The following PARD3B variants were observed in gnomAD, a reference collection of about 807,000 sequenced individuals.
PARD3B encodes the protein partitioning defective 3 homolog B.
In PARD3B, 103 loss-of-function variants were observed where a neutral mutation model predicts 130.2. The ratio of observed to expected loss-of-function variants is 0.79; its 90% CI spans 0.67 to 0.93. The LOEUF (loss-of-function observed/expected upper bound fraction) is 0.93. Ranked by LOEUF, PARD3B falls within the 40% of genes least tolerant of loss-of-function variation. PARD3B has a pLI of 0.00. For missense variants in PARD3B, 1,609 were observed against 1,499.2 expected, an observed-to-expected ratio of 1.07 and a Z score of -1.21; for synonymous variants, 583 against 553.2, an observed-to-expected ratio of 1.05 and a Z score of -0.76.
chr2:205,298,866 G>C (rs1461329140), intron 16 of PARD3B, among the ~76,000 whole-genome samples: 6 of 152,168 alleles, frequency 3.9e-5, no homozygotes, highest in African/African-American at 1.2e-4. Flanking sequence ...CAGCAGAAAA[G>C]CTGGAACTAG....
chr2:205,469,237 C>A (rs2048741410), intron 20 of PARD3B, among the ~76,000 whole-genome samples: 1 of 152,182 alleles, frequency 6.6e-6, no homozygotes, highest in Non-Finnish European at 1.5e-5. Flanking sequence ...CTACCCTTAG[C>A]TACATGACTT....
intron 19 of PARD3B, among the ~76,000 whole-genome samples, chr2:205,413,746 C>G (rs1447205877): frequency 1.3e-5 from 2 of 152,090 alleles, no homozygotes; most frequent in African/African-American, 2.4e-5. Flanking sequence ...TCCTGAGAGA[C>G]ACAGCCTTAA....
In PARD3B at chr2:204,943,265, A is replaced by T. The variant is rs1689057946; in HGVS notation, c.223-21887A>T. Among the ~76,000 whole-genome samples, 1 of 151,804 alleles carries T rather than the reference A, an allele frequency of 6.6e-6. No individual in the cohort carries two copies. Among genetic ancestry groups the T allele is most frequent in the African/African-American group, 2.4e-5 (1 of 41,366 alleles). On this transcript the variant is annotated intron_variant, in intron 2 of 22. Coordinates refer to ENST00000406610, the MANE Select transcript of PARD3B (RefSeq NM_001302769.2). This position sits in a 1 kb window ranked among gnomAD's most constrained non-coding sequence, Gnocchi z 4.2. ...CTCTCTGCTTTTCTCAAACCTAATT[A>T]TTTTCTCTCCTAAAAGGACGGTGAC...
intron 1 of PARD3B, among the ~76,000 whole-genome samples, chr2:204,656,167 A>G (rs1381590418): frequency 6.6e-6 from 1 of 152,146 alleles, no homozygotes; most frequent in Non-Finnish European, 1.5e-5. Flanking sequence ...GAGGGAATGG[A>G]AATAGACTTC....
At chr2:204,791,501 A>T (rs1471419611) in intron 2 of PARD3B, among the ~76,000 whole-genome samples, 1 of 152,192 alleles carries the variant, frequency 6.6e-6, no homozygotes, top group African/African-American at 2.4e-5. Context: ...CTACTTCCCA[A>T]AATAAAAGTT....
chr2:205,416,124 C>T (rs1214645233), intron 19 of PARD3B, among the ~76,000 whole-genome samples: 1 of 151,998 alleles, frequency 6.6e-6, no homozygotes, highest in Non-Finnish European at 1.5e-5. Flanking sequence ...TACTTTGTGA[C>T]ATCCTGAGGG....
At chr2:205,316,610 A>G (rs889262090) in intron 18 of PARD3B, among the ~76,000 whole-genome samples, 6 of 152,160 alleles carry the variant, frequency 3.9e-5, no homozygotes, top group African/African-American at 1.4e-4. Flanking sequence ...TAAATATGAA[A>G]TCATTAGCAG....
Position 205,575,710 on chromosome 2 carries a change from ATTTC to A in PARD3B, c.3260+22313_3260+22316del, listed in dbSNP as rs1415134957. 6.6e-6 allele frequency among the ~76,000 whole-genome samples: 1 copy of A among 151,992 alleles called. No homozygotes were observed. Among genetic ancestry groups the A allele is most frequent in the Non-Finnish European group, 1.5e-5 (1 of 67,986 alleles). On this transcript the variant is annotated intron_variant, in intron 22 of 22. Transcript: ENST00000406610. This position sits in a 1 kb window ranked among gnomAD's most constrained non-coding sequence, Gnocchi z 4.6. ...ATGCTTTTTCATGGCTTGATAGCTC[ATTTC>A]TTTCTAAGGCTGAATAATATTCCAG...
intron 1 of PARD3B, among the ~76,000 whole-genome samples, chr2:204,645,880 A>G (rs2125160515): frequency 6.6e-6 from 1 of 152,146 alleles, no homozygotes; most frequent in East Asian, 1.9e-4. Flanking sequence ...CTGGATAATC[A>G]ATGTATTTTC....
At chr2:204,651,077 C>T (rs570204923) in intron 1 of PARD3B, among the ~76,000 whole-genome samples, 3 of 152,124 alleles carry the variant, frequency 2.0e-5, no homozygotes, top group Non-Finnish European at 2.9e-5. Flanking sequence ...GACCCAGAGC[C>T]AAACCATATT....
chr2:204,947,782 A>AC (rs1689452922), intron 2 of PARD3B, among the ~76,000 whole-genome samples: 1 of 152,198 alleles, frequency 6.6e-6, no homozygotes, highest in Admixed American at 6.5e-5. Context: ...AAAGAGATCT[A>AC]CCGTGAGTTC....
At chr2:205,106,746 CT>C (rs1703250736) in intron 5 of PARD3B, among the ~76,000 whole-genome samples, 3 of 152,084 alleles carry the variant, frequency 2.0e-5, no homozygotes, top group African/African-American at 7.2e-5. Context: ...GGCTAGGAAA[CT>C]TCTCATATAA....
rs896883288 is a variant in PARD3B, at chr2:205,146,646, G to A, written c.1435-12076G>A. On this transcript the variant is annotated intron_variant, in intron 10 of 22. Coordinates refer to ENST00000406610, the MANE Select transcript of PARD3B (RefSeq NM_001302769.2). This position sits in a 1 kb window ranked among gnomAD's most constrained non-coding sequence, Gnocchi z 4.3. ...AGCCTGGGCGACAGAGCGAGACTCCGCCTCAAAAAAAAAAATTGTTACATC... is the reference window on the plus strand; with the variant it reads ...AGCCTGGGCGACAGAGCGAGACTCCACCTCAAAAAAAAAAATTGTTACATC... Among the ~76,000 whole-genome samples the A allele has an allele frequency of 4.6e-5, 7 of 151,010 alleles. No homozygotes were observed. The highest frequency in any genetic ancestry group is 1.2e-4 in the African/African-American group (5 of 41,126).
At chr2:204,600,970 G>A (rs2033485417) in intron 1 of PARD3B, among the ~76,000 whole-genome samples, 1 of 151,598 alleles carries the variant, frequency 6.6e-6, no homozygotes, top group Non-Finnish European at 1.5e-5. Flanking sequence ...ATGAACTTGG[G>A]GATTTTGTTT....
At chr2:204,628,245 A>C (rs989116783) in intron 1 of PARD3B, among the ~76,000 whole-genome samples, 3 of 150,984 alleles carry the variant, frequency 2.0e-5, no homozygotes, top group Non-Finnish European at 4.4e-5. Flanking sequence ...GGAAAATGCC[A>C]CTGCAAAGTC....
intron 2 of PARD3B, among the ~76,000 whole-genome samples, chr2:204,725,178 T>A (rs931311114): frequency 6.6e-6 from 1 of 152,194 alleles, no homozygotes; most frequent in Non-Finnish European, 1.5e-5. Flanking sequence ...AATAATCCAT[T>A]TCAAAATACC....
Position 205,309,884 on chromosome 2 carries a change from C to G in PARD3B, c.2630+8183C>G, listed in dbSNP as rs1235988831. 7.5e-6 allele frequency among the ~76,000 whole-genome samples: 1 copy of G among 132,766 alleles called. No individual in the cohort carries two copies. 87.1% of individuals were successfully genotyped at this position (132,766 alleles called of 152,430 possible). A position where few individuals can be genotyped will look rare whatever the true frequency, so the allele number is the denominator to read the frequency against. ...GTAGTGCCTAACTTGATAGACATTA[C>G]TTCTTATCCATCTATCTATCTATCT... On this transcript the variant is annotated intron_variant, in intron 18 of 22. Coordinates refer to ENST00000406610, the MANE Select transcript of PARD3B (RefSeq NM_001302769.2). The surrounding 1 kb of genome is among the most constrained non-coding windows in gnomAD (Gnocchi z 4.7).
chr2:204,793,484 T>C (rs527297090), intron 2 of PARD3B, among the ~76,000 whole-genome samples: 1 of 152,286 alleles, frequency 6.6e-6, no homozygotes, highest in South Asian at 2.1e-4. Context: ...CTTTTTAATA[T>C]TCTCACTTAT....
chr2:205,107,612 A>G (rs1156594279), intron 5 of PARD3B, among the ~76,000 whole-genome samples: 1 of 152,222 alleles, frequency 6.6e-6, no homozygotes, highest in Non-Finnish European at 1.5e-5. Flanking sequence ...TCTGACACCT[A>G]ATACAGGTCT....
Sources: gnomAD v4.1 joint callset for allele counts (sites outside exome capture counted in the v4.1 genomes callset) on GRCh38, gnomAD v4.1.1 for gene constraint, Gnocchi (gnomAD v3.1) non-coding constraint, MANE v1.5 for transcripts, NCBI Gene and HGNC (gene_info 2026-07-23, HGNC 2026-07-21) for gene names.